The following SIRPB1 variants were observed in gnomAD, a reference collection of about 807,000 sequenced individuals.
SIRPB1 encodes signal-regulatory protein beta-1.
In SIRPB1, 28 loss-of-function variants were observed where a neutral mutation model predicts 34.1. The observed-to-expected ratio is 0.82, with a 90% confidence interval of 0.61 to 1.12. SIRPB1 has a LOEUF of 1.12. Ranked by LOEUF, SIRPB1 falls within the 50% of genes most tolerant of loss-of-function variation. The pLI is 0.00. For synonymous variants in SIRPB1, 211 were observed against 203.8 expected (o/e 1.04, Z -0.30); for missense variants, 499 against 507.0 (o/e 0.98, Z 0.15).
rs71193922 is a variant in SIRPB1 at position 1,561,385 on chromosome 20, TGATTAATCAAAGTTCATAGTTTATTTA to T, written c.*4088_*4114del. ...TCAATGAACCAATATTGATACATTATGATTAATCAAAGTTCATAGTTTATTTAGATCTTTTCTTTTTACCTAATGTCG... is the reference window on the plus strand; with the variant it reads ...TCAATGAACCAATATTGATACATTATGATCTTTTCTTTTTACCTAATGTCG... On this transcript the variant is annotated 3_prime_UTR_variant, in exon 6 of 6. Coordinates refer to ENST00000381605, the MANE Select transcript of SIRPB1 (RefSeq NM_006065.5). Among the ~76,000 whole-genome samples, 29,495 of 152,014 alleles carry T rather than the reference TGATTAATCAAAGTTCATAGTTTATTTA, an allele frequency of 0.19. 3,313 individuals carry two copies. Among genetic ancestry groups the T allele is most frequent in the Non-Finnish European group, 0.26 (17,914 of 67,860 alleles).
In SIRPB1 at chr20:1,562,626, A is replaced by G. The variant is rs1568675162; in HGVS notation, c.*2874T>C. On this transcript the variant is annotated 3_prime_UTR_variant, in exon 6 of 6. Transcript: ENST00000381605. ...AAATTTAATGTAATTTGCATAGAGTACAAACTTCTGGGCTAGCTCTTCAGT... is the reference window on the plus strand; with the variant it reads ...AAATTTAATGTAATTTGCATAGAGTGCAAACTTCTGGGCTAGCTCTTCAGT... 6.6e-6 allele frequency among the ~76,000 whole-genome samples: 1 copy of G among 152,222 alleles called. No individual in the cohort carries two copies. Among genetic ancestry groups the G allele is most frequent in the South Asian group, 2.1e-4 (1 of 4,828 alleles).
rs760763433 is a variant in SIRPB1, at chr20:1,571,708, A to T, written c.751+12T>A. Reference sequence around the variant, plus strand: ...CAGGTGTGGGCTTGGGCTGGGTGTGAGGGTCTTCTACCTCGGATGGCCTCA... The same window carrying T: ...CAGGTGTGGGCTTGGGCTGGGTGTGTGGGTCTTCTACCTCGGATGGCCTCA... On this transcript the variant is annotated intron_variant, in intron 3 of 5. Coordinates refer to ENST00000381605, the MANE Select transcript of SIRPB1 (RefSeq NM_006065.5). 13 of 1,613,106 alleles carry T rather than the reference A, an allele frequency of 8.1e-6. No individual in the cohort carries two copies. In the South Asian group the frequency reaches 9.9e-5, roughly 12 times the overall value.
rs576574599 is a variant in SIRPB1 at position 1,577,893 on chromosome 20, C to G, written c.433+445G>C. Reference sequence around the variant, plus strand: ...AGGCTGTTTCATTCACTGCTGTTTGCGCAGCATCCAGGGCAGAGCCTGGCA... The same window carrying G: ...AGGCTGTTTCATTCACTGCTGTTTGGGCAGCATCCAGGGCAGAGCCTGGCA... On this transcript the variant is annotated intron_variant, in intron 2 of 5. Coordinates refer to ENST00000381605, the MANE Select transcript of SIRPB1 (RefSeq NM_006065.5). Among the ~76,000 whole-genome samples the G allele has an allele frequency of 1.1e-3, 166 of 147,852 alleles. 14 individuals carry two copies. Among genetic ancestry groups the G allele is most frequent in the Middle Eastern group, 3.5e-3 (1 of 282 alleles).
chr20:1,619,084 A>C (rs924967738), intron 1 of SIRPB1, among the ~76,000 whole-genome samples: 1 of 152,202 alleles, frequency 6.6e-6, no homozygotes, highest in South Asian at 2.1e-4. Context: ...TGTGTTTAAG[A>C]CACAGAGAGA....
Position 1,564,817 on chromosome 20 carries a change from T to A in SIRPB1, c.*683A>T. On this transcript the variant is annotated 3_prime_UTR_variant, in exon 6 of 6. Coordinates refer to ENST00000381605, the MANE Select transcript of SIRPB1 (RefSeq NM_006065.5). Reference sequence around the variant, plus strand: ...AAAGTCCATTGTTAAACATTTACCATCTCATGTAAGTGGACACATGCATTT... The same window carrying A: ...AAAGTCCATTGTTAAACATTTACCAACTCATGTAAGTGGACACATGCATTT... The A allele has an allele frequency of 2.5e-6, 1 of 398,228 alleles. No homozygotes were observed. The allele number at this position is 398,228 out of a possible 1,614,324, so 24.7% of individuals were successfully genotyped here.
intron 4 of SIRPB1, among the ~76,000 whole-genome samples, chr20:1,567,657 G>C (rs2091160009): frequency 6.6e-6 from 1 of 152,348 alleles, no homozygotes; most frequent in Non-Finnish European, 1.5e-5. Context: ...GTGACTTGCT[G>C]TTGTGTTGCG....
At chr20:1,576,504 A>G (rs1302263478) in intron 2 of SIRPB1, among the ~76,000 whole-genome samples, 1 of 147,964 alleles carries the variant, frequency 6.8e-6, no homozygotes, top group African/African-American at 2.5e-5. Flanking sequence ...ATATCCTCAC[A>G]AGTCCTTCTC....
chr20:1,614,475 C>T (rs2091601784), intron 1 of SIRPB1, among the ~76,000 whole-genome samples: 1 of 152,092 alleles, frequency 6.6e-6, no homozygotes, highest in African/African-American at 2.4e-5. Flanking sequence ...GACATTGAAA[C>T]ACCCTAGTAA....
chr20:1,605,243 G>A (rs2091504198), intron 1 of SIRPB1, among the ~76,000 whole-genome samples: 1 of 48,952 alleles, frequency 2.0e-5, no homozygotes, highest in Admixed American at 1.3e-4. Flanking sequence ...TGGGAGAGGT[G>A]AGGACCCATG....
rs1474281875 is a variant in SIRPB1, at chr20:1,578,913, T to A, written c.77-219A>T. ...TGAGGCACAGAGAGGTTCAATTTCC[T>A]TTTCCTTACTTTCTTCTGTTCTTTC... On this transcript the variant is annotated intron_variant, in intron 1 of 5. Transcript: ENST00000381605. 1.3e-5 allele frequency among the ~76,000 whole-genome samples: 2 copies of A among 148,150 alleles called. 1 individual carries two copies. Among genetic ancestry groups the A allele is most frequent in the Admixed American group, 1.3e-4 (2 of 14,970 alleles).
At position 1,594,474 on chromosome 20, in the gene SIRPB1, G is replaced by A. The variant is rs1341461817; in HGVS notation, c.77-15780C>T. Among the ~76,000 whole-genome samples, 3 of 48,716 alleles carry A rather than the reference G, an allele frequency of 6.2e-5. 1 individual carries two copies. The highest frequency in any genetic ancestry group is 5.8e-4 in the East Asian group (1 of 1,722). 32.0% of individuals were successfully genotyped at this position (48,716 alleles called of 152,430 possible). The stretch of plus-strand genomic sequence containing the variant: ...ATAAAATTGGAATATTTGAAAGAAC[G>A]GGGAGCCTGGAAGTCCATGAGCTAA... On this transcript the variant is annotated intron_variant, in intron 1 of 5. Transcript: ENST00000381605.
In SIRPB1 at chr20:1,562,988, AG is replaced by A. The variant is rs1646093071; in HGVS notation, c.*2511del. Among the ~76,000 whole-genome samples the A allele has an allele frequency of 6.6e-6, 1 of 152,240 alleles. No homozygotes were observed. The highest frequency in any genetic ancestry group is 1.5e-5 in the Non-Finnish European group (1 of 68,042). ...CCTGATGCAGGAACTTCAGATAGGC[AG>A]CCAGAGGGAGGTAGTAAACGCAAAC... On this transcript the variant is annotated 3_prime_UTR_variant, in exon 6 of 6. Coordinates refer to ENST00000381605, the MANE Select transcript of SIRPB1 (RefSeq NM_006065.5).
In SIRPB1 at chr20:1,565,318, C is replaced by T. The variant is rs975146765; in HGVS notation, c.*182G>A. 26 of 322,168 alleles carry T rather than the reference C, an allele frequency of 8.1e-5. No homozygotes were observed. Among genetic ancestry groups the T allele is most frequent in the African/African-American group, 3.8e-4 (18 of 46,908 alleles). The allele number at this position is 322,168 out of a possible 1,614,324, so 20.0% of individuals were successfully genotyped here. ...CAATCCCATGGCCCCTGCTCAGGAC[C>T]GTGAATAGAGACACTGCTTTGGGGC... On this transcript the variant is annotated 3_prime_UTR_variant, in exon 6 of 6. Coordinates refer to ENST00000381605, the MANE Select transcript of SIRPB1 (RefSeq NM_006065.5).
chr20:1,617,630 A>G (rs879403218), intron 1 of SIRPB1, among the ~76,000 whole-genome samples: 1 of 152,218 alleles, frequency 6.6e-6, no homozygotes, highest in African/African-American at 2.4e-5. Context: ...TATGGGGTCT[A>G]GAGTTCATAA....
chr20:1,594,942 C>T lies in SIRPB1; in HGVS notation c.77-16248G>A, dbSNP rs143534612. On this transcript the variant is annotated intron_variant, in intron 1 of 5. Coordinates refer to ENST00000381605, the MANE Select transcript of SIRPB1 (RefSeq NM_006065.5). Reference sequence around the variant, plus strand: ...TAGCAACAATTTTAAAAAACAGATCCTCTGCCCTCAAGGATTTATGATGTT... The same window carrying T: ...TAGCAACAATTTTAAAAAACAGATCTTCTGCCCTCAAGGATTTATGATGTT... 3.0e-3 allele frequency among the ~76,000 whole-genome samples: 144 copies of T among 48,232 alleles called. 63 individuals carry two copies. Among genetic ancestry groups the T allele is most frequent in the African/African-American group, 0.018 (132 of 7,260 alleles). 31.6% of individuals were successfully genotyped at this position (48,232 alleles called of 152,430 possible). A position where few individuals can be genotyped will look rare whatever the true frequency, so the allele number is the denominator to read the frequency against.
At chr20:1,570,285 T>A (rs561773014) in intron 4 of SIRPB1, among the ~76,000 whole-genome samples, 2 of 152,256 alleles carry the variant, frequency 1.3e-5, no homozygotes, top group Admixed American at 1.3e-4. Context: ...AAGCCTGTGC[T>A]GTGACCAGGT....
rs754099155 is a variant in SIRPB1 at position 1,611,639 on chromosome 20, T to C, written c.76+8230A>G. On this transcript the variant is annotated intron_variant, in intron 1 of 5. Transcript: ENST00000381605. ...AGGGAAGTCACAGTGCAGTGCAGAG[T>C]GGCCGACTCTCCAGCTGCAACTGAT... 1.3e-5 allele frequency: 17 copies of C among 1,265,412 alleles called. 5 individuals are homozygous for C. In the South Asian group the frequency reaches 2.3e-4, roughly 17 times the overall value. 78.4% of individuals were successfully genotyped at this position (1,265,412 alleles called of 1,614,324 possible).
intron 2 of SIRPB1, chr20:1,578,136 T>C (rs2091343803): frequency 3.3e-6 from 2 of 610,644 alleles, no homozygotes; most frequent in South Asian, 3.9e-5. Flanking sequence ...TGTCCCATCA[T>C]TTACAAGCCG....
At chr20:1,572,923 TG>T (rs1600107622) in intron 2 of SIRPB1, among the ~76,000 whole-genome samples, 1 of 150,212 alleles carries the variant, frequency 6.7e-6, no homozygotes, top group African/African-American at 2.4e-5. Context: ...AGTACTTTAA[TG>T]AAATAACCAA....
Sources: gnomAD v4.1 joint callset for allele counts (sites outside exome capture counted in the v4.1 genomes callset) on GRCh38, gnomAD v4.1.1 for gene constraint, MANE v1.5 for transcripts, NCBI Gene and HGNC (gene_info 2026-07-23, HGNC 2026-07-21) for gene names.